The following USHBP1 variants were observed in gnomAD, a reference collection of about 807,000 sequenced individuals.
USHBP1 encodes the protein USH1 protein network component harmonin binding protein 1.
Under a neutral mutation model 76.2 loss-of-function variants are expected in USHBP1, and 67 were observed. The observed-to-expected ratio is 0.88, with a 90% CI of 0.72 to 1.08. The LOEUF is 1.08. USHBP1 is among the 50% of genes least tolerant of loss of function. The pLI is 0.00. For missense variants in USHBP1, 931 were observed against 915.0 expected, an observed-to-expected ratio of 1.02 and a Z score of -0.23; for synonymous variants, 322 against 362.2, an observed-to-expected ratio of 0.89 and a Z score of 1.26.
chr19:17,258,301 G>T lies in USHBP1; in HGVS notation c.1131C>A (p.Asp377Glu), dbSNP rs773278281. 6.2e-6 allele frequency: 10 copies of T among 1,614,056 alleles called. No homozygotes were observed. Among genetic ancestry groups the T allele is most frequent in the Non-Finnish European group, 7.6e-6 (9 of 1,180,028 alleles). Residue 377 changes from aspartate to glutamate, a missense_variant, in exon 8 of 13, where the codon GAC (aspartate) becomes GAA (glutamate). Coordinates refer to ENST00000252597, the MANE Select transcript of USHBP1 (RefSeq NM_031941.4). ...ATGCTTCCTTTTCAGCTGCTTGCAG[G>T]TCACTCATGGGGGCTTCGTCTCCTG... ...SGAGDEAPMS[D>E]LQAAEKEAWR...
chr19:17,264,591 C>T (rs565900823), intron 1 of USHBP1, 80 bp downstream of exon 1: 418 of 463,366 alleles, frequency 9.0e-4, no homozygotes, highest in African/African-American at 7.6e-3. Flanking sequence ...CTTTCCTCCT[C>T]TATTTGAGCC....
In USHBP1 at chr19:17,253,910, G is replaced by GA. The variant is rs773867096; in HGVS notation, c.1692+1474dup. On this transcript the variant is annotated intron_variant, in intron 10 of 12. Coordinates refer to ENST00000252597, the MANE Select transcript of USHBP1 (RefSeq NM_031941.4). ...TCCGTTTCCCAAAAAAAAAAAAAAA[G>GA]AAAAAAAAAATTAAAGGCCAGGCGC... 5.3e-4 allele frequency among the ~76,000 whole-genome samples: 70 copies of GA among 131,974 alleles called. 1 individual carries two copies. Among genetic ancestry groups the GA allele is most frequent in the African/African-American group, 1.6e-3 (57 of 35,782 alleles). 86.6% of individuals were successfully genotyped at this position (131,974 alleles called of 152,430 possible). A position where few individuals can be genotyped will look rare whatever the true frequency, so the allele number is the denominator to read the frequency against.
intron 4 of USHBP1, among the ~76,000 whole-genome samples, chr19:17,261,640 A>T (rs1255017438): frequency 3.4e-3 from 290 of 86,380 alleles, no homozygotes; most frequent in African/African-American, 9.5e-3. Context: ...CATTATTATT[A>T]TTTTTTTTTT....
At chr19:17,251,759 G>C in intron 11 of USHBP1, 55 bp from the exon 12 acceptor site, 5 of 1,605,750 alleles carry the variant, frequency 3.1e-6, no homozygotes, top group South Asian at 1.1e-5. Context: ...CTGTTTCCCA[G>C]GTCTCCTCCT....
intron 10 of USHBP1, among the ~76,000 whole-genome samples, chr19:17,254,668 AAAG>A (rs1287083903): frequency 6.6e-6 from 1 of 151,878 alleles, no homozygotes; most frequent in Admixed American, 6.6e-5. Flanking sequence ...AAAAAAAAAA[AAAG>A]AGATGAGGTC....
rs201299465 is a variant in USHBP1, at chr19:17,256,638, G to A, written c.1303C>T (p.Arg435Cys). The A allele has an allele frequency of 3.7e-5, 60 of 1,614,180 alleles. 1 individual carries two copies. The highest frequency in any genetic ancestry group is 1.6e-4 in the South Asian group (15 of 91,088). The change falls in exon 9 of 13, where the codon CGC becomes TGC. Residue 435 changes from arginine (R) to cysteine (C), a missense_variant. Physicochemically the swap from Arg to Cys is radical, Grantham distance 180. Coordinates refer to ENST00000252597, the MANE Select transcript of USHBP1 (RefSeq NM_031941.4). ...LRSYVQRLQERRSLMKILSEP... is the reference protein window; with the variant it reads ...LRSYVQRLQECRSLMKILSEP... ...GAGAGAATCTTCATTAGAGAACGGC[G>A]CTCCTGGAGACGCTGGACATAGCTT... is the stretch of plus-strand genomic sequence containing the variant.
chr19:17,255,691 G>A (rs2073611377), intron 9 of USHBP1, 85 bp from the exon 10 acceptor site: 3 of 1,383,850 alleles, frequency 2.2e-6, no homozygotes, highest in Non-Finnish European at 1.9e-6. Context: ...ACCCACTGAG[G>A]ACTATTCAGA....
chr19:17,250,444 A>G lies in USHBP1; in HGVS notation c.1923-30T>C, dbSNP rs2073536222. The G allele has an allele frequency of 2.5e-6, 4 of 1,600,156 alleles. No individual in the cohort carries two copies. In the Admixed American group the frequency reaches 5.3e-5, roughly 21 times the overall value. On this transcript the variant is annotated intron_variant, in intron 12 of 12. Transcript: ENST00000252597. Reference sequence around the variant, plus strand: ...AAGGGGTGGGTGGCTGGGTCAGGAAACAGCCCCCGAGTCCACCCAAGGCAA... The same window carrying G: ...AAGGGGTGGGTGGCTGGGTCAGGAAGCAGCCCCCGAGTCCACCCAAGGCAA...
intron 9 of USHBP1, 45 bp from the exon 10 acceptor site, chr19:17,255,651 A>C: frequency 1.3e-6 from 2 of 1,530,736 alleles, no homozygotes; most frequent in Non-Finnish European, 1.8e-6. Context: ...TTCTACGGTC[A>C]ACTGCAGGGA....
In USHBP1 at chr19:17,258,498, C is replaced by G. The variant is rs2073648993; in HGVS notation, c.1047-113G>C. 3 of 1,269,710 alleles carry G rather than the reference C, an allele frequency of 2.4e-6. No individual in the cohort carries two copies. In the Admixed American group the frequency reaches 6.9e-5, roughly 29 times the overall value. 78.7% of individuals were successfully genotyped at this position (1,269,710 alleles called of 1,614,324 possible). On this transcript the variant is annotated intron_variant, in intron 7 of 12. Transcript: ENST00000252597. ...CTGAGGCGGGAGGATTACCTGAGGTCAGGAGTTCGAGACCAGCCTGACCAA... is the reference window on the plus strand; with the variant it reads ...CTGAGGCGGGAGGATTACCTGAGGTGAGGAGTTCGAGACCAGCCTGACCAA...
intron 9 of USHBP1, among the ~76,000 whole-genome samples, chr19:17,256,237 C>T (rs2073617059): frequency 6.6e-6 from 1 of 152,064 alleles, no homozygotes; most frequent in African/African-American, 2.4e-5. Context: ...TTCTTTGCTC[C>T]CATCTCTTCC....
In USHBP1 at chr19:17,264,558, T is replaced by A. The variant is rs563953971; in HGVS notation, c.-49+113A>T. The A allele has an allele frequency of 3.6e-4, 190 of 522,346 alleles. 3 individuals carry two copies. In the South Asian group the frequency reaches 4.9e-3, roughly 13 times the overall value. 32.4% of individuals were successfully genotyped at this position (522,346 alleles called of 1,614,324 possible). On this transcript the variant is annotated intron_variant, in intron 1 of 12. Transcript: ENST00000252597. ...TCTCCCCCTTCTTCTCTGCCTTCTT[T>A]ACCTTCACTACGTCTTTGTCCACTT...
At chr19:17,254,845 G>T (rs2073598383) in intron 10 of USHBP1, among the ~76,000 whole-genome samples, 1 of 151,948 alleles carries the variant, frequency 6.6e-6, no homozygotes, top group African/African-American at 2.4e-5. Context: ...ACTCCAGGAG[G>T]GCTTCCTTGA....
chr19:17,260,968 C>T (rs1310534798), intron 4 of USHBP1, among the ~76,000 whole-genome samples: 5 of 152,210 alleles, frequency 3.3e-5, no homozygotes, highest in African/African-American at 1.2e-4. Flanking sequence ...TCTACAACCT[C>T]CACCATCGTG....
chr19:17,263,713 A>C, intron 3 of USHBP1: 1 of 327,798 alleles, frequency 3.1e-6, no homozygotes, highest in Non-Finnish European at 5.6e-6. Flanking sequence ...TCTCACTAAA[A>C]ATGCAAAACT....
In USHBP1 at chr19:17,249,247, G is replaced by A. The variant is rs1056594230; in HGVS notation, c.*978C>T. Reference sequence around the variant, plus strand: ...CTTATTGCCCGGGCACGATCTTGTTGTTGGCGCGATCTCGGTTCACTGCAA... The same window carrying A: ...CTTATTGCCCGGGCACGATCTTGTTATTGGCGCGATCTCGGTTCACTGCAA... On this transcript the variant is annotated 3_prime_UTR_variant, in exon 13 of 13. Coordinates refer to ENST00000252597, the MANE Select transcript of USHBP1 (RefSeq NM_031941.4). The A allele has an allele frequency of 6.6e-6, 1 of 152,020 alleles. No homozygotes were observed. Among genetic ancestry groups the A allele is most frequent in the Non-Finnish European group, 1.5e-5 (1 of 68,028 alleles). 9.4% of individuals were successfully genotyped at this position (152,020 alleles called of 1,614,324 possible).
chr19:17,260,090 C>T (rs2073670330), intron 4 of USHBP1, 68 bp from the exon 5 acceptor site: 1 of 1,533,616 alleles, frequency 6.5e-7, no homozygotes. Context: ...CTCCCCAAGG[C>T]CTGTTCTTGG....
In USHBP1 at chr19:17,255,609, G is replaced by T. The variant is rs895057248; in HGVS notation, c.1471-3C>A. The stretch of plus-strand genomic sequence containing the variant: ...AGCATCAGGTCCGCCAGGGCCTCCT[G>T]TGGGACCAAGGAGAGGGGAGAGAAT... On this transcript the variant is annotated splice_region_variant and splice_polypyrimidine_tract_variant and intron_variant, in intron 9 of 12. Transcript: ENST00000252597. 8 of 1,606,982 alleles carry T rather than the reference G, an allele frequency of 5.0e-6. No individual in the cohort carries two copies. Among genetic ancestry groups the T allele is most frequent in the Middle Eastern group, 1.8e-4 (1 of 5,582 alleles).
At chr19:17,259,110 A>G (rs1257581879) in intron 7 of USHBP1, among the ~76,000 whole-genome samples, 179 bp downstream of exon 7, 1 of 152,114 alleles carries the variant, frequency 6.6e-6, no homozygotes, top group South Asian at 2.1e-4. Context: ...GGTTGCAGTG[A>G]GCTGAGATCT....
Sources: allele counts gnomAD v4.1 joint callset (sites outside exome capture counted in the v4.1 genomes callset), GRCh38; gene constraint gnomAD v4.1.1; transcripts MANE v1.5; gene names NCBI Gene and HGNC (gene_info 2026-07-23, HGNC 2026-07-21).